The following MAGI1 variants were observed in gnomAD, a reference collection of about 807,000 sequenced individuals.
MAGI1 encodes the protein membrane-associated guanylate kinase, WW and PDZ domain-containing protein 1.
A neutral mutation model predicts 139.9 loss-of-function variants in MAGI1; 58 were observed. That is an observed-to-expected ratio of 0.41 (90% CI 0.34 to 0.52). The LOEUF (loss-of-function observed/expected upper bound fraction) is 0.52, where lower values mean the gene tolerates loss of function less well. Ranked by LOEUF, MAGI1 falls within the 20% of genes least tolerant of loss-of-function variation. The probability of loss-of-function intolerance (pLI) is 0.12; values close to 1 mark genes in which losing one functional copy is unlikely to be tolerated. For missense variants in MAGI1, 1,874 were observed against 1,901.6 expected (o/e 0.99, Z 0.27); for synonymous variants, 812 against 737.9 (o/e 1.10, Z -1.63).
At chr3:65,803,013 A>C (rs934046142) in intron 1 of MAGI1, among the ~76,000 whole-genome samples, 68 of 152,228 alleles carry the variant, frequency 4.5e-4, no homozygotes, top group African/African-American at 1.2e-3. Context: ...GAGAGAGGAC[A>C]TTACCAGTAC....
intron 2 of MAGI1, among the ~76,000 whole-genome samples, chr3:65,548,509 CTCTTTTTTTTTTTTT>C (rs2079617970): frequency 8.5e-6 from 1 of 117,404 alleles, no homozygotes; most frequent in African/African-American, 3.5e-5. Flanking sequence ...GCAAACAACA[CTCTTTTTTTTTTTTT>C]TTTTTTTTTT....
At chr3:65,764,671 C>T (rs2037324170) in intron 1 of MAGI1, among the ~76,000 whole-genome samples, 1 of 152,174 alleles carries the variant, frequency 6.6e-6, no homozygotes, top group African/African-American at 2.4e-5. Context: ...TACCATCCAC[C>T]ATAAATCAGC....
At chr3:65,369,132 C>A (rs921727451) in intron 18 of MAGI1, among the ~76,000 whole-genome samples, 8 of 152,168 alleles carry the variant, frequency 5.3e-5, no homozygotes, top group Admixed American at 6.5e-5. Flanking sequence ...CTGCCCTCCC[C>A]CATTGTCCAC....
At chr3:65,924,240 T>C (rs750358830) in intron 1 of MAGI1, among the ~76,000 whole-genome samples, 1 of 152,202 alleles carries the variant, frequency 6.6e-6, no homozygotes, top group Non-Finnish European at 1.5e-5. Context: ...TGGACTAAAG[T>C]AGGATCACAA....
At position 65,391,101 on chromosome 3, in the gene MAGI1, C is replaced by A. The variant is rs368707422; in HGVS notation, c.2416+41G>T. The A allele has an allele frequency of 1.6e-5, 25 of 1,532,370 alleles. No homozygotes were observed. The African/African-American group carries it at 2.6e-4, about 16-fold the overall frequency. The allele number at this position is 1,532,370 out of a possible 1,614,324, so 94.9% of individuals were successfully genotyped here. On this transcript the variant is annotated intron_variant, in intron 14 of 22. Coordinates refer to ENST00000402939, the MANE Select transcript of MAGI1 (RefSeq NM_001033057.2). ...CCTTCAAGAGAAAGGTAGAGCCCTG[C>A]GGAGGGGTCAGGGTAAGACAGAGGC...
In MAGI1 at chr3:65,356,241, GC is replaced by G. The variant is rs1940186605; in HGVS notation, c.*136del. 1.2e-5 allele frequency: 9 copies of G among 761,408 alleles called. No homozygotes were observed. In the Admixed American group the frequency reaches 1.4e-4, roughly 12 times the overall value. 47.2% of individuals were successfully genotyped at this position (761,408 alleles called of 1,614,324 possible). On this transcript the variant is annotated 3_prime_UTR_variant, in exon 23 of 23. Transcript: ENST00000402939. Reference sequence around the variant, plus strand: ...TATTTTTTCTTATAAGATTTCAAATGCATAAAATGTTTGTTGTTATTCATAG... The same window carrying G: ...TATTTTTTCTTATAAGATTTCAAATGATAAAATGTTTGTTGTTATTCATAG...
Position 65,356,735 on chromosome 3 carries a change from C to T in MAGI1, c.4032G>A (p.Glu1344=), listed in dbSNP as rs754416898. The change falls in exon 23 of 23, where the codon GAG becomes GAA. Residue 1344 remains glutamate (E), a synonymous_variant. Transcript: ENST00000402939. ...GCTCCGGAGAGACGTCTCGTCTCTT[C>T]TCGTGCTTCTCCCTCCTCTCCAAAG... ...DNTLERREKH[E]KRRDVSPERR... The T allele has an allele frequency of 4.4e-6, 7 of 1,595,794 alleles. No individual in the cohort carries two copies. The highest frequency in any genetic ancestry group is 6.0e-6 in the Non-Finnish European group (7 of 1,171,610).
chr3:65,967,369 T>C (rs2064802890), intron 1 of MAGI1, among the ~76,000 whole-genome samples: 1 of 152,118 alleles, frequency 6.6e-6, no homozygotes, highest in Admixed American at 6.6e-5. Context: ...GCCCAGAGTG[T>C]CATCTCCTCC....
chr3:65,651,530 G>T (rs904790327), intron 1 of MAGI1, among the ~76,000 whole-genome samples: 1 of 152,004 alleles, frequency 6.6e-6, no homozygotes, highest in South Asian at 2.1e-4. Flanking sequence ...TGTATATTGC[G>T]GCATGTGGAC....
intron 13 of MAGI1, 67 bp downstream of exon 13, chr3:65,401,372 T>TGCCCCC: frequency 7.1e-5 from 55 of 778,062 alleles, no homozygotes; most frequent in East Asian, 1.7e-4. Context: ...CAGAGTACCC[T>TGCCCCC]CCCACCTCCA....
intron 1 of MAGI1, among the ~76,000 whole-genome samples, chr3:66,021,367 C>A (rs1175903323): frequency 1.3e-5 from 2 of 152,218 alleles, no homozygotes; most frequent in African/African-American, 4.8e-5. Flanking sequence ...AAAGGTCCCT[C>A]TAAATTACTA....
At chr3:65,613,379 G>A (rs1559721212) in intron 2 of MAGI1, among the ~76,000 whole-genome samples, 1 of 152,092 alleles carries the variant, frequency 6.6e-6, no homozygotes, top group African/African-American at 2.4e-5. Flanking sequence ...GATCTAACAT[G>A]TTTTCACAAG....
chr3:65,727,084 T>G (rs2033704552), intron 1 of MAGI1, among the ~76,000 whole-genome samples: 1 of 152,072 alleles, frequency 6.6e-6, no homozygotes, highest in African/African-American at 2.4e-5. Flanking sequence ...ATATATGGGA[T>G]GGAGAAAATT....
intron 2 of MAGI1, among the ~76,000 whole-genome samples, chr3:65,573,950 C>T (rs914828577): frequency 5.3e-5 from 8 of 151,922 alleles, no homozygotes; most frequent in Non-Finnish European, 1.0e-4. Flanking sequence ...CTACCATGGG[C>T]AGTTGAGTAA....
intron 1 of MAGI1, among the ~76,000 whole-genome samples, chr3:66,023,360 G>A (rs1454434913): frequency 6.6e-6 from 1 of 152,010 alleles, no homozygotes; most frequent in East Asian, 1.9e-4. Flanking sequence ...ATTTAATAGA[G>A]GACCTTTCTT....
At chr3:65,948,865 T>C (rs2063664550) in intron 1 of MAGI1, among the ~76,000 whole-genome samples, 1 of 152,220 alleles carries the variant, frequency 6.6e-6, no homozygotes, top group Non-Finnish European at 1.5e-5. Context: ...ATGCTGCAGA[T>C]ACCTATCCAT....
intron 1 of MAGI1, among the ~76,000 whole-genome samples, chr3:66,023,125 G>T (rs1192605172): frequency 1.3e-5 from 2 of 152,136 alleles, no homozygotes; most frequent in African/African-American, 4.8e-5. Flanking sequence ...GTCTAAACTT[G>T]AAAACTCTCC....
intron 2 of MAGI1, among the ~76,000 whole-genome samples, chr3:65,587,806 G>T (rs548106328): frequency 3.3e-5 from 5 of 152,102 alleles, no homozygotes; most frequent in Non-Finnish European, 7.4e-5. Context: ...AAAGTTGAGA[G>T]ATTGAGTTGT....
chr3:65,959,796 C>CT (rs2064327374), intron 1 of MAGI1, among the ~76,000 whole-genome samples: 1 of 94,862 alleles, frequency 1.1e-5, no homozygotes, highest in Non-Finnish European at 2.3e-5. Flanking sequence ...AATAAATTCT[C>CT]TCTTTTTTTT....
Sources: allele counts gnomAD v4.1 joint callset (sites outside exome capture counted in the v4.1 genomes callset), GRCh38; gene constraint gnomAD v4.1.1; transcripts MANE v1.5; gene names NCBI Gene and HGNC (gene_info 2026-07-23, HGNC 2026-07-21).